ADK: variants seen among roughly 807,000 people sequenced by gnomAD.
The protein encoded by ADK is N6,N6-dimethyladenosine kinase.
Under a neutral mutation model 44.7 loss-of-function variants are expected in ADK, and 24 were observed. The observed-to-expected ratio is 0.54, with a 90% confidence interval of 0.39 to 0.76. ADK has a LOEUF of 0.76. ADK is among the 30% of genes least tolerant of loss of function. The pLI is 0.00. For synonymous variants in ADK, 128 were observed against 142.6 expected (o/e 0.90, Z 0.73); for missense variants, 321 against 425.1 (o/e 0.76, Z 2.15).
In ADK at chr10:74,224,532, A is replaced by G. The variant is rs1381252671; in HGVS notation, c.141-6A>G. The stretch of plus-strand genomic sequence containing the variant: ...GAAGAGTGTAATTTTCGTTTCTGTT[A>G]TACAGGTATTCTCTGAAACCAAATG... On this transcript the variant is annotated splice_region_variant and splice_polypyrimidine_tract_variant and intron_variant, in intron 2 of 10. Coordinates refer to ENST00000539909, the MANE Select transcript of ADK (RefSeq NM_006721.4). 33 of 1,613,178 alleles carry G rather than the reference A, an allele frequency of 2.0e-5. No homozygotes were observed. Among genetic ancestry groups the G allele is most frequent in the Non-Finnish European group, 2.7e-5 (32 of 1,179,308 alleles).
intron 7 of ADK, among the ~76,000 whole-genome samples, chr10:74,526,032 A>G (rs1478941974): frequency 1.3e-5 from 2 of 152,104 alleles, no homozygotes; most frequent in Non-Finnish European, 2.9e-5. Context: ...AATTTCTGTG[A>G]GTTTTTACAG....
chr10:74,474,063 T>G (rs1846716175), intron 6 of ADK, among the ~76,000 whole-genome samples: 1 of 152,194 alleles, frequency 6.6e-6, no homozygotes, highest in Non-Finnish European at 1.5e-5. Context: ...TATTCTATAT[T>G]TAATAATTCA....
At chr10:74,289,088 G>A (rs1847304841) in intron 3 of ADK, among the ~76,000 whole-genome samples, 1 of 152,176 alleles carries the variant, frequency 6.6e-6, no homozygotes. Context: ...GAAGCATAAT[G>A]CCTGGTTAAA....
In ADK at chr10:74,554,145, G is replaced by A. The variant is rs1030887218; in HGVS notation, c.726+28719G>A. On this transcript the variant is annotated intron_variant, in intron 7 of 10. Transcript: ENST00000539909. The stretch of plus-strand genomic sequence containing the variant: ...CTCATACTCTTTCTTGTGATAAAAT[G>A]GAAACTGATGTTCTTCCCATGAAAG... Among the ~76,000 whole-genome samples the A allele has an allele frequency of 5.9e-5, 9 of 152,130 alleles. No homozygotes were observed. The South Asian group carries it at 1.9e-3, about 32-fold the overall frequency.
intron 6 of ADK, among the ~76,000 whole-genome samples, chr10:74,463,563 A>G (rs1023150623): frequency 6.6e-6 from 1 of 152,196 alleles, no homozygotes; most frequent in Non-Finnish European, 1.5e-5. Context: ...GGCTGTAAAT[A>G]CAGATGAAGC....
chr10:74,342,869 AT>A (rs1259124752), intron 4 of ADK, among the ~76,000 whole-genome samples: 1 of 150,798 alleles, frequency 6.6e-6, no homozygotes, highest in Non-Finnish European at 1.5e-5. Context: ...TAGCTCTAAT[AT>A]TTTTTAGTGG....
At chr10:74,515,683 T>A (rs1250143936) in intron 6 of ADK, among the ~76,000 whole-genome samples, 3 of 152,176 alleles carry the variant, frequency 2.0e-5, no homozygotes, top group East Asian at 3.9e-4. Context: ...CAGGTAGCCC[T>A]ACTCTGCTGG....
intron 1 of ADK, among the ~76,000 whole-genome samples, chr10:74,189,015 C>T (rs1842869599): frequency 6.6e-6 from 1 of 152,136 alleles, no homozygotes; most frequent in African/African-American, 2.4e-5. Flanking sequence ...TCGTGATCCG[C>T]CCACCTTGGC....
chr10:74,193,338 G>A (rs559048271), intron 1 of ADK, among the ~76,000 whole-genome samples: 95 of 152,048 alleles, frequency 6.2e-4, no homozygotes, highest in African/African-American at 2.1e-3. Context: ...CCATGTTGGT[G>A]TGCTGCACCC....
chr10:74,707,596 C>T (rs978574549), intron 10 of ADK, among the ~76,000 whole-genome samples: 4 of 151,550 alleles, frequency 2.6e-5, no homozygotes, highest in African/African-American at 7.3e-5. Context: ...AACCCCATCT[C>T]TACTAAAAAT....
intron 9 of ADK, chr10:74,654,993 T>A (rs1854426428): frequency 1.1e-5 from 2 of 181,694 alleles, no homozygotes; most frequent in African/African-American, 4.8e-5. Flanking sequence ...CCCAGCACTC[T>A]GCAAGGGCCC....
Position 74,498,543 on chromosome 10 carries a change from T to C in ADK, c.556-26713T>C, listed in dbSNP as rs188069085. ...TACACTTTATTTTTTATTTTTATTA[T>C]ACTTTAAGTTTTAGGGTACATGTGC... is the stretch of plus-strand genomic sequence containing the variant. On this transcript the variant is annotated intron_variant, in intron 6 of 10. Transcript: ENST00000539909. Among the ~76,000 whole-genome samples, 854 of 152,376 alleles carry C rather than the reference T, an allele frequency of 5.6e-3. 4 individuals carry two copies. Among genetic ancestry groups the C allele is most frequent in the Non-Finnish European group, 8.1e-3 (550 of 68,038 alleles).
chr10:74,449,697 G>C (rs995832476), intron 6 of ADK, among the ~76,000 whole-genome samples: 8 of 152,140 alleles, frequency 5.3e-5, no homozygotes, highest in Non-Finnish European at 1.2e-4. Flanking sequence ...AGTATTGTTA[G>C]AAGAAGTGGA....
chr10:74,690,197 T>A (rs1286784169), intron 10 of ADK, among the ~76,000 whole-genome samples: 3 of 152,180 alleles, frequency 2.0e-5, no homozygotes, highest in Non-Finnish European at 4.4e-5. Context: ...TTTATTATAG[T>A]ATAAAATCCA....
Position 74,333,696 on chromosome 10 carries a change from AT to A in ADK, c.273+18958del, listed in dbSNP as rs567621356. Among the ~76,000 whole-genome samples the A allele has an allele frequency of 2.6e-3, 400 of 152,110 alleles. 1 individual carries two copies. The highest frequency in any genetic ancestry group is 0.011 in the South Asian group (52 of 4,820). On this transcript the variant is annotated intron_variant, in intron 4 of 10. Transcript: ENST00000539909. ...ATTTATTGTTTTGCAAATTTAATCT[AT>A]TTTTTTCTCAAAAACTGTTGTAAGA...
chr10:74,596,258 C>T (rs1312564081), intron 8 of ADK, among the ~76,000 whole-genome samples: 1 of 152,172 alleles, frequency 6.6e-6, no homozygotes, highest in Non-Finnish European at 1.5e-5. Context: ...CTGTTCTCCA[C>T]TACTTGTATT....
chr10:74,498,831 G>A (rs1430302294), intron 6 of ADK, among the ~76,000 whole-genome samples: 2 of 152,058 alleles, frequency 1.3e-5, no homozygotes, highest in Admixed American at 1.3e-4. Flanking sequence ...TGATAGACTG[G>A]ATTAAGAAAA....
At chr10:74,587,357 TG>T (rs1339899490) in intron 7 of ADK, among the ~76,000 whole-genome samples, 1 of 152,230 alleles carries the variant, frequency 6.6e-6, no homozygotes, top group East Asian at 1.9e-4. Flanking sequence ...AAGGGTAACT[TG>T]GTCAGGCTTA....
intron 9 of ADK, among the ~76,000 whole-genome samples, chr10:74,632,424 C>T (rs1480328634): frequency 3.3e-5 from 5 of 152,114 alleles, no homozygotes; most frequent in Non-Finnish European, 4.4e-5. Flanking sequence ...GGCTAGAAGT[C>T]CAAAATAAAA....
Sources: gnomAD v4.1 joint callset for allele counts (sites outside exome capture counted in the v4.1 genomes callset) on GRCh38, gnomAD v4.1.1 for gene constraint, MANE v1.5 for transcripts, NCBI Gene and HGNC (gene_info 2026-07-23, HGNC 2026-07-21) for gene names.